LRRC4C: variants seen among roughly 807,000 people sequenced by gnomAD.
LRRC4C encodes leucine rich repeat containing 4C.
In LRRC4C, 5 loss-of-function variants were observed where a neutral mutation model predicts 33.6. The ratio of observed to expected loss-of-function variants is 0.15; its 90% CI spans 0.08 to 0.31. The LOEUF (loss-of-function observed/expected upper bound fraction) is 0.31. Ranked by LOEUF, LRRC4C falls within the 10% of genes least tolerant of loss-of-function variation. LRRC4C has a pLI of 1.00. For synonymous variants in LRRC4C, 329 were observed against 302.0 expected, an observed-to-expected ratio of 1.09 and a Z score of -0.93; for missense variants, 560 against 796.7, an observed-to-expected ratio of 0.70 and a Z score of 3.58.
intron 2 of LRRC4C, among the ~76,000 whole-genome samples, chr11:40,800,685 T>C (rs1039595460): frequency 6.6e-6 from 1 of 152,182 alleles, no homozygotes; most frequent in Non-Finnish European, 1.5e-5. Context: ...TTCACTGTTC[T>C]TGCCACTATA....
At chr11:41,353,282 A>C (rs1300799112) in intron 1 of LRRC4C, among the ~76,000 whole-genome samples, 1 of 152,126 alleles carries the variant, frequency 6.6e-6, no homozygotes, top group East Asian at 1.9e-4. Context: ...AAATGAATAA[A>C]TTCCTGGAAA....
chr11:40,207,141 C>T (rs76849813), intron 5 of LRRC4C, among the ~76,000 whole-genome samples: 7,712 of 152,146 alleles, frequency 0.051, 652 homozygotes, highest in African/African-American at 0.17. Flanking sequence ...ATATATTGTA[C>T]GGAACTGTCA....
intron 1 of LRRC4C, among the ~76,000 whole-genome samples, chr11:41,326,146 G>C (rs1016848456): frequency 1.4e-5 from 2 of 144,006 alleles, no homozygotes; most frequent in Admixed American, 6.8e-5. Context: ...CTAATCAGCT[G>C]CCAGCACAGC....
At chr11:40,619,406 A>G in intron 3 of LRRC4C, among the ~76,000 whole-genome samples, 1 of 151,706 alleles carries the variant, frequency 6.6e-6, no homozygotes, top group East Asian at 1.9e-4. Context: ...ACATTCATGT[A>G]CCCCATAAAT....
chr11:40,872,220 G>A (rs1954685284), intron 2 of LRRC4C, among the ~76,000 whole-genome samples: 1 of 151,880 alleles, frequency 6.6e-6, no homozygotes. Flanking sequence ...TCCTGTTAGG[G>A]CAAGCCTGCC....
At chr11:40,792,476 G>A (rs1950666332) in intron 2 of LRRC4C, among the ~76,000 whole-genome samples, 1 of 152,136 alleles carries the variant, frequency 6.6e-6, no homozygotes, top group South Asian at 2.1e-4. Context: ...CATTAAAAAA[G>A]TCAGGAAACA....
At chr11:40,302,654 A>G (rs574109259) in intron 4 of LRRC4C, among the ~76,000 whole-genome samples, 3 of 152,318 alleles carry the variant, frequency 2.0e-5, no homozygotes, top group African/African-American at 4.8e-5. Context: ...GTACTATCCA[A>G]TTCAATCCAT....
intron 3 of LRRC4C, among the ~76,000 whole-genome samples, chr11:40,545,832 C>G (rs1418123418): frequency 6.6e-6 from 1 of 151,908 alleles, no homozygotes; most frequent in East Asian, 1.9e-4. Flanking sequence ...TAGATGCTCT[C>G]TGGCTGAAGC....
intron 1 of LRRC4C, among the ~76,000 whole-genome samples, chr11:41,352,672 C>T (rs904210435): frequency 6.6e-6 from 1 of 152,076 alleles, no homozygotes; most frequent in Non-Finnish European, 1.5e-5. Flanking sequence ...ACCAATCATA[C>T]TCTTGGAAGA....
chr11:40,790,442 T>A (rs890282447), intron 2 of LRRC4C, among the ~76,000 whole-genome samples: 2 of 152,182 alleles, frequency 1.3e-5, no homozygotes, highest in Non-Finnish European at 1.5e-5. Context: ...ATACAAAGGC[T>A]TTGGAAACCA....
chr11:40,284,409 A>C (rs922828346), intron 4 of LRRC4C, among the ~76,000 whole-genome samples: 4 of 152,228 alleles, frequency 2.6e-5, no homozygotes, highest in Non-Finnish European at 5.9e-5. Flanking sequence ...GTTGGATGAT[A>C]TATCTAGAGG....
intron 1 of LRRC4C, among the ~76,000 whole-genome samples, chr11:41,428,570 A>T (rs1478334583): frequency 6.6e-6 from 1 of 152,098 alleles, no homozygotes; most frequent in Non-Finnish European, 1.5e-5. Flanking sequence ...ATTACCTTGG[A>T]GTTTCATGAA....
chr11:41,385,312 T>G (rs1386167247), intron 1 of LRRC4C, among the ~76,000 whole-genome samples: 1 of 151,684 alleles, frequency 6.6e-6, no homozygotes, highest in Admixed American at 6.6e-5. Flanking sequence ...TACTCTTGTA[T>G]TTCTTTCAAT....
chr11:40,802,430 G>C (rs1951076725), intron 2 of LRRC4C, among the ~76,000 whole-genome samples: 1 of 151,694 alleles, frequency 6.6e-6, no homozygotes, highest in Admixed American at 6.6e-5. Flanking sequence ...ATACTGAATG[G>C]AGAGAAATGC....
intron 2 of LRRC4C, among the ~76,000 whole-genome samples, chr11:40,904,363 T>TA (rs1370013353): frequency 3.3e-5 from 5 of 152,310 alleles, no homozygotes; most frequent in Admixed American, 3.3e-4. Flanking sequence ...GGCTTCCTTA[T>TA]ACATAGCAAA....
chr11:40,700,888 T>C lies in LRRC4C; in HGVS notation c.-406-52610A>G, dbSNP rs149978769. ...CTATTTTTGTTTATTCATCCCTTTA[T>C]GCATATGCATATATCCATGCCAAAC... On this transcript the variant is annotated intron_variant, in intron 2 of 6. Transcript: ENST00000528697. Among the ~76,000 whole-genome samples, 26 of 152,338 alleles carry C rather than the reference T, an allele frequency of 1.7e-4. No individual in the cohort carries two copies. The East Asian group carries it at 4.6e-3, about 27-fold the overall frequency.
At chr11:41,176,276 A>G (rs191976528) in intron 1 of LRRC4C, among the ~76,000 whole-genome samples, 14 of 152,322 alleles carry the variant, frequency 9.2e-5, no homozygotes, top group Admixed American at 2.0e-4. Flanking sequence ...GTACATTGGG[A>G]ATACCCGAAC....
chr11:40,325,890 T>G, intron 3 of LRRC4C, among the ~76,000 whole-genome samples: 1 of 152,160 alleles, frequency 6.6e-6, no homozygotes, highest in Non-Finnish European at 1.5e-5. Flanking sequence ...TACTCACAAT[T>G]AGATTAAGAC....
intron 4 of LRRC4C, among the ~76,000 whole-genome samples, chr11:40,276,832 C>T (rs978564694): frequency 1.3e-5 from 2 of 151,718 alleles, no homozygotes; most frequent in Admixed American, 6.6e-5. Context: ...AAATAAAGGG[C>T]GATATGCTGA....
Sources: gnomAD v4.1 joint callset for allele counts (sites outside exome capture counted in the v4.1 genomes callset) on GRCh38, gnomAD v4.1.1 for gene constraint, MANE v1.5 for transcripts, NCBI Gene and HGNC (gene_info 2026-07-23, HGNC 2026-07-21) for gene names.